AK9: variants seen among roughly 807,000 people sequenced by gnomAD.
AK9 encodes the protein adenylate kinase 9.
A neutral mutation model predicts 239.6 loss-of-function variants in AK9; 191 were observed. The ratio of observed to expected loss-of-function variants is 0.80; its 90% confidence interval spans 0.71 to 0.90. The LOEUF (loss-of-function observed/expected upper bound fraction) is 0.90. Ranked by LOEUF, AK9 falls within the 40% of genes least tolerant of loss-of-function variation. The pLI, the probability that AK9 is intolerant of heterozygous loss-of-function variation, is 0.00. For synonymous variants in AK9, 689 were observed against 721.0 expected (o/e 0.96, Z 0.71); for missense variants, 1,995 against 2,214.7 (o/e 0.90, Z 1.99).
intron 3 of AK9, among the ~76,000 whole-genome samples, chr6:109,673,624 T>G (rs1355086641): frequency 1.3e-5 from 2 of 152,066 alleles, no homozygotes; most frequent in African/African-American, 4.8e-5. Context: ...TGAAGACAAT[T>G]AAGTTCTGAA....
rs567773666 is a variant in AK9, at chr6:109,658,521, T to C, written c.630+707A>G. Among the ~76,000 whole-genome samples the C allele has an allele frequency of 5.3e-4, 81 of 152,282 alleles. 1 individual carries two copies. The highest frequency in any genetic ancestry group is 4.3e-4 in the Non-Finnish European group (29 of 68,018). On this transcript the variant is annotated intron_variant, in intron 7 of 40. Transcript: ENST00000424296. Reference sequence around the variant, plus strand: ...GGAAGTTATTAGCCACATCTCCCCATTGCGCACTTGAAATGTGGCAAGTGC... The same window carrying C: ...GGAAGTTATTAGCCACATCTCCCCACTGCGCACTTGAAATGTGGCAAGTGC...
chr6:109,541,867 G>A (rs1782936475), intron 27 of AK9, among the ~76,000 whole-genome samples, 180 bp downstream of exon 27: 1 of 152,176 alleles, frequency 6.6e-6, no homozygotes, highest in Non-Finnish European at 1.5e-5. Flanking sequence ...GTGGGGTCCT[G>A]CAATCGGTAT....
At chr6:109,575,408 A>C (rs1351688221) in intron 20 of AK9, among the ~76,000 whole-genome samples, 1 of 152,022 alleles carries the variant, frequency 6.6e-6, no homozygotes, top group Admixed American at 6.5e-5. Context: ...TATGGTTTTG[A>C]TTTGCATTTC....
At chr6:109,563,452 T>C in intron 24 of AK9, 145 bp downstream of exon 24, 2 of 1,257,074 alleles carry the variant, frequency 1.6e-6, no homozygotes, top group Non-Finnish European at 2.1e-6. Flanking sequence ...TTCAGGGGGG[T>C]CAAGTGAAGC....
rs1216552567 is a variant in AK9 at position 109,566,315 on chromosome 6, G to A, written c.2345-1470C>T. 3.3e-5 allele frequency among the ~76,000 whole-genome samples: 5 copies of A among 152,096 alleles called. No homozygotes were observed. The East Asian group carries it at 9.7e-4, about 29-fold the overall frequency. ...TTCCTGTTGGTAAATGCAAGAGTTG[G>A]ATATATTCTGCTTCATCCAAGAATA... On this transcript the variant is annotated intron_variant, in intron 21 of 40. Coordinates refer to ENST00000424296, the MANE Select transcript of AK9 (RefSeq NM_001145128.3).
At chr6:109,601,998 C>G (rs1384970267) in intron 17 of AK9, among the ~76,000 whole-genome samples, 1 of 152,136 alleles carries the variant, frequency 6.6e-6, no homozygotes, top group African/African-American at 2.4e-5. Context: ...CTCCTGAATA[C>G]AGCACACTGA....
intron 27 of AK9, among the ~76,000 whole-genome samples, chr6:109,539,158 C>G (rs539854077): frequency 6.6e-6 from 1 of 152,160 alleles, no homozygotes; most frequent in Admixed American, 6.5e-5. Flanking sequence ...GCCTGCCTTG[C>G]TAGGTTGGGG....
intron 33 of AK9, 75 bp from the exon 34 acceptor site, chr6:109,506,875 C>G: frequency 7.0e-7 from 1 of 1,434,374 alleles, no homozygotes; most frequent in Non-Finnish European, 9.1e-7. Flanking sequence ...CTTCCAGAAC[C>G]AGTCTGTCTC....
intron 17 of AK9, among the ~76,000 whole-genome samples, chr6:109,587,680 G>A (rs1308810352): frequency 6.6e-6 from 1 of 152,180 alleles, no homozygotes; most frequent in Non-Finnish European, 1.5e-5. Flanking sequence ...CAAAAGACAT[G>A]ATTTCATTCT....
intron 10 of AK9, among the ~76,000 whole-genome samples, chr6:109,639,562 G>A (rs1797142563): frequency 6.6e-6 from 1 of 152,192 alleles, no homozygotes; most frequent in African/African-American, 2.4e-5. Flanking sequence ...TTTGTCAGAT[G>A]TGTAGATTGC....
In AK9 at chr6:109,514,377, T is replaced by C; in HGVS notation, c.4126A>G (p.Ile1376Val). The change falls in exon 32 of 41, where the codon ATC becomes GTC. Residue 1376 changes from isoleucine (I) to valine (V), a missense_variant. Coordinates refer to ENST00000424296, the MANE Select transcript of AK9 (RefSeq NM_001145128.3). The stretch of plus-strand genomic sequence containing the variant: ...AAAAAATAAATATACTGACGATGGA[T>C]TACAGGATAAATTGGATTCTCTGCA... ...ENAENPIYPV[I>V]HRQYIYFLSS... 6.4e-7 allele frequency: 1 copy of C among 1,550,948 alleles called. No homozygotes were observed. Among genetic ancestry groups the C allele is most frequent in the Non-Finnish European group, 8.7e-7 (1 of 1,146,828 alleles).
chr6:109,508,820 C>T (rs6911851), intron 33 of AK9, among the ~76,000 whole-genome samples: 1 of 151,930 alleles, frequency 6.6e-6, no homozygotes, highest in African/African-American at 2.4e-5. Flanking sequence ...CTGGACCAGC[C>T]CCTGGGGGAT....
At chr6:109,500,247 T>C (rs148925449) in intron 35 of AK9, among the ~76,000 whole-genome samples, 99 of 152,256 alleles carry the variant, frequency 6.5e-4, no homozygotes, top group Non-Finnish European at 1.1e-3. Flanking sequence ...CCAAAAGTGA[T>C]TGGCTTTATT....
At chr6:109,601,969 G>T (rs758953759) in intron 17 of AK9, among the ~76,000 whole-genome samples, 1 of 152,006 alleles carries the variant, frequency 6.6e-6, no homozygotes, top group Non-Finnish European at 1.5e-5. Flanking sequence ...TTATGTGTGT[G>T]TCTGCACGTG....
chr6:109,666,634 C>T (rs532271757), intron 5 of AK9, among the ~76,000 whole-genome samples: 6 of 152,356 alleles, frequency 3.9e-5, no homozygotes, highest in Admixed American at 6.5e-5. Flanking sequence ...CATACCATCA[C>T]TTTGCCACCA....
intron 17 of AK9, among the ~76,000 whole-genome samples, chr6:109,603,000 C>G (rs930014046): frequency 1.2e-4 from 19 of 152,260 alleles, no homozygotes; most frequent in African/African-American, 4.6e-4. Context: ...TTTTTAGCTT[C>G]TTTGCGATGG....
chr6:109,683,784 T>C (rs1396696285), intron 1 of AK9, among the ~76,000 whole-genome samples: 2 of 152,174 alleles, frequency 1.3e-5, no homozygotes, highest in East Asian at 1.9e-4. Context: ...TCCATGCTCA[T>C]GGATAGGAAG....
intron 17 of AK9, among the ~76,000 whole-genome samples, chr6:109,592,915 T>C (rs569534625): frequency 7.2e-5 from 11 of 152,146 alleles, no homozygotes; most frequent in Admixed American, 1.3e-4. Flanking sequence ...TCTAGATCTC[T>C]GACAAAATTA....
intron 1 of AK9, among the ~76,000 whole-genome samples, chr6:109,685,549 G>T (rs1773382578): frequency 6.6e-6 from 1 of 151,732 alleles, no homozygotes; most frequent in South Asian, 2.1e-4. Context: ...TGGACGTAGG[G>T]AGGGGAACAT....
Sources: gnomAD v4.1 joint callset for allele counts (sites outside exome capture counted in the v4.1 genomes callset) on GRCh38, gnomAD v4.1.1 for gene constraint, MANE v1.5 for transcripts, NCBI Gene and HGNC (gene_info 2026-07-23, HGNC 2026-07-21) for gene names.